CDH10: variants seen among roughly 807,000 people sequenced by gnomAD.
The protein encoded by CDH10 is cadherin-10.
A neutral mutation model predicts 73.1 loss-of-function variants in CDH10; 30 were observed. That is an observed-to-expected ratio of 0.41 (90% CI 0.31 to 0.56). The LOEUF is 0.56. Ranked by LOEUF, CDH10 falls within the 20% of genes least tolerant of loss-of-function variation. CDH10 has a pLI of 0.27. For synonymous variants in CDH10, 345 were observed against 348.2 expected (o/e 0.99, Z 0.10); for missense variants, 815 against 973.7 (o/e 0.84, Z 2.17).
intron 2 of CDH10, among the ~76,000 whole-genome samples, chr5:24,538,841 G>C (rs1744051523): frequency 6.6e-6 from 1 of 151,998 alleles, no homozygotes; most frequent in African/African-American, 2.4e-5. Context: ...GAAAAGTAAA[G>C]CGTGGCCACA....
In CDH10 at chr5:24,535,718, C is replaced by T; in HGVS notation, c.631G>A (p.Val211Met). Residue 211 changes from valine to methionine, a missense_variant, in exon 4 of 12, where the codon GTG becomes ATG. By Grantham distance (21) the Val-to-Met change is conservative. This residue lies in a region of CDH10 where 516 missense variants were observed against 636.6 expected (regional missense o/e 0.81). Coordinates refer to ENST00000264463, the MANE Select transcript of CDH10 (RefSeq NM_006727.5). Reference protein sequence around the residue: ...SILQGQPYFSVEPETGIIRTA... With the variant: ...SILQGQPYFSMEPETGIIRTA... ...GATTCCTGACCTGTTTCAGGCTCCACAGAGAAATAGGGCTGCCCTTGAAGT... is the reference window on the plus strand; with the variant it reads ...GATTCCTGACCTGTTTCAGGCTCCATAGAGAAATAGGGCTGCCCTTGAAGT... 3 of 1,610,956 alleles carry T rather than the reference C, an allele frequency of 1.9e-6. No homozygotes were observed. The highest frequency in any genetic ancestry group is 2.5e-6 in the Non-Finnish European group (3 of 1,178,258).
intron 2 of CDH10, among the ~76,000 whole-genome samples, chr5:24,538,140 AGACAAGCAAAGCT>A (rs1361261165): frequency 2.6e-5 from 4 of 152,086 alleles, no homozygotes; most frequent in African/African-American, 9.7e-5. Flanking sequence ...AAGAACTGTA[AGACAAGCAAAGCT>A]GTAGGAGACA....
At chr5:24,585,240 G>T (rs1252130877) in intron 2 of CDH10, among the ~76,000 whole-genome samples, 1 of 152,082 alleles carries the variant, frequency 6.6e-6, no homozygotes, top group African/African-American at 2.4e-5. Flanking sequence ...CATTTGCCCA[G>T]ATTATTACAA....
At chr5:24,554,494 G>A (rs1243405124) in intron 2 of CDH10, among the ~76,000 whole-genome samples, 6 of 151,154 alleles carry the variant, frequency 4.0e-5, no homozygotes, top group African/African-American at 7.3e-5. Context: ...GTGTGTGTGT[G>A]TGTGTGTGTG....
intron 1 of CDH10, among the ~76,000 whole-genome samples, chr5:24,606,916 C>T (rs1239420325): frequency 1.3e-5 from 2 of 152,142 alleles, no homozygotes; most frequent in Admixed American, 1.3e-4. Context: ...AAAAGATGCC[C>T]TAAATTGAAT....
chr5:24,599,141 T>G (rs1253405775), intron 1 of CDH10, among the ~76,000 whole-genome samples: 3 of 152,160 alleles, frequency 2.0e-5, no homozygotes, highest in African/African-American at 7.2e-5. Flanking sequence ...CTAATACAGA[T>G]GTGACATTGC....
chr5:24,562,537 G>A (rs1017567221), intron 2 of CDH10, among the ~76,000 whole-genome samples: 10 of 151,180 alleles, frequency 6.6e-5, no homozygotes, highest in Non-Finnish European at 1.3e-4. Flanking sequence ...TATACCCTAC[G>A]GAAAAAAAAA....
chr5:24,556,553 TTAA>T (rs1332536990), intron 2 of CDH10, among the ~76,000 whole-genome samples: 1 of 151,738 alleles, frequency 6.6e-6, no homozygotes, highest in Non-Finnish European at 1.5e-5. Flanking sequence ...CAAGCCTCCT[TTAA>T]TAATATTTAA....
intron 2 of CDH10, among the ~76,000 whole-genome samples, chr5:24,543,045 A>T (rs995997841): frequency 6.6e-6 from 1 of 152,220 alleles, no homozygotes; most frequent in Non-Finnish European, 1.5e-5. Flanking sequence ...ATTACCAAAA[A>T]AATCAATCTA....
Position 24,642,409 on chromosome 5 carries a change from G to T in CDH10, c.-124+2185C>A, listed in dbSNP as rs569687894. ...TCAAGAAATTCACCCTATTTTTTATGCAAGATTCATATATTTTGGAATTAA... is the reference window on the plus strand; with the variant it reads ...TCAAGAAATTCACCCTATTTTTTATTCAAGATTCATATATTTTGGAATTAA... On this transcript the variant is annotated intron_variant, in intron 1 of 11. Coordinates refer to ENST00000264463, the MANE Select transcript of CDH10 (RefSeq NM_006727.5). 1.1e-4 allele frequency among the ~76,000 whole-genome samples: 16 copies of T among 152,120 alleles called. No individual in the cohort carries two copies. The East Asian group carries it at 1.7e-3, about 17-fold the overall frequency.
chr5:24,568,696 A>G (rs530280896), intron 2 of CDH10, among the ~76,000 whole-genome samples: 1 of 152,166 alleles, frequency 6.6e-6, no homozygotes, highest in Non-Finnish European at 1.5e-5. Flanking sequence ...TTTGTATAGC[A>G]ATGTTCATAC....
intron 1 of CDH10, among the ~76,000 whole-genome samples, chr5:24,641,986 T>G (rs1748069095): frequency 6.6e-6 from 1 of 152,128 alleles, no homozygotes; most frequent in Non-Finnish European, 1.5e-5. Context: ...TACAAGTACT[T>G]CTAATGTGAC....
intron 1 of CDH10, among the ~76,000 whole-genome samples, chr5:24,600,515 C>G (rs746767457): frequency 6.6e-6 from 1 of 152,086 alleles, no homozygotes; most frequent in Non-Finnish European, 1.5e-5. Flanking sequence ...AGCACCTAAT[C>G]CAAACACGGG....
At chr5:24,571,790 G>C (rs1272776455) in intron 2 of CDH10, among the ~76,000 whole-genome samples, 1 of 152,028 alleles carries the variant, frequency 6.6e-6, no homozygotes, top group Non-Finnish European at 1.5e-5. Flanking sequence ...GACTCGTAGT[G>C]TTTGCCAATT....
intron 1 of CDH10, among the ~76,000 whole-genome samples, chr5:24,600,872 C>T (rs1315445135): frequency 2.0e-5 from 3 of 152,094 alleles, no homozygotes; most frequent in Non-Finnish European, 4.4e-5. Context: ...AGGTCTAGGT[C>T]TGATACAATG....
At chr5:24,525,055 A>G (rs1282215943) in intron 5 of CDH10, among the ~76,000 whole-genome samples, 1 of 152,052 alleles carries the variant, frequency 6.6e-6, no homozygotes, top group Non-Finnish European at 1.5e-5. Flanking sequence ...TGAGTAAGCG[A>G]CTTTGGAGGA....
rs749096209 is a variant in CDH10 at position 24,535,685 on chromosome 5, C to A, written c.646+18G>T. On this transcript the variant is annotated intron_variant, in intron 4 of 11. Coordinates refer to ENST00000264463, the MANE Select transcript of CDH10 (RefSeq NM_006727.5). ...TAAAGATGATCAAATGAACAAACAG[C>A]AATTCATGATTCCTGACCTGTTTCA... 4 of 1,597,142 alleles carry A rather than the reference C, an allele frequency of 2.5e-6. No individual in the cohort carries two copies. Among genetic ancestry groups the A allele is most frequent in the Admixed American group, 1.8e-5 (1 of 56,492 alleles).
chr5:24,545,075 T>C (rs910707455), intron 2 of CDH10, among the ~76,000 whole-genome samples: 2 of 152,192 alleles, frequency 1.3e-5, no homozygotes, highest in Non-Finnish European at 2.9e-5. Flanking sequence ...ACATTATTTC[T>C]CATGTATTAG....
rs564199538 is a variant in CDH10, at chr5:24,541,006, A to G, written c.232-3332T>C. On this transcript the variant is annotated intron_variant, in intron 2 of 11. Transcript: ENST00000264463. ...GGTGATACAACTAAAAAAAAACCTT[A>G]CACTTCTTATGTTTTTCAAAGTCAA... is the stretch of plus-strand genomic sequence containing the variant. 4.6e-5 allele frequency among the ~76,000 whole-genome samples: 7 copies of G among 152,040 alleles called. No individual in the cohort carries two copies. The South Asian group carries it at 1.5e-3, about 32-fold the overall frequency.
Sources: gnomAD v4.1 joint callset for allele counts (sites outside exome capture counted in the v4.1 genomes callset) on GRCh38, gnomAD v4.1.1 for gene constraint, gnomAD v4.1.1 regional missense constraint, MANE v1.5 for transcripts, NCBI Gene and HGNC (gene_info 2026-07-23, HGNC 2026-07-21) for gene names.